DOCK2: variants seen among roughly 807,000 people sequenced by gnomAD.
DOCK2 encodes dedicator of cytokinesis protein 2.
DOCK2 carries 87 observed loss-of-function variants against 248.9 expected under a neutral mutation model. That is an observed-to-expected ratio of 0.35 (90% CI 0.29 to 0.42). DOCK2 has a LOEUF of 0.42. Ranked by LOEUF, DOCK2 falls within the 10% of genes least tolerant of loss-of-function variation. The pLI, the probability that DOCK2 is intolerant of heterozygous loss-of-function variation, is 1.00. For synonymous variants in DOCK2, 805 were observed against 821.6 expected (o/e 0.98, Z 0.35); for missense variants, 1,747 against 2,300.2 (o/e 0.76, Z 4.92).
rs573924539 is a variant in DOCK2, at chr5:169,700,916, C to T, written c.1258+777C>T. On this transcript the variant is annotated intron_variant, in intron 13 of 51. Coordinates refer to ENST00000520908, the MANE Select transcript of DOCK2 (RefSeq NM_004946.3). The stretch of plus-strand genomic sequence containing the variant: ...AGAGAGAGAGAAAGAAAGGAAGGAA[C>T]GAAAGAAAAGACAAGAAAAAGAAGG... Among the ~76,000 whole-genome samples the T allele has an allele frequency of 6.6e-3, 882 of 132,642 alleles. 15 individuals are homozygous for T. The highest frequency in any genetic ancestry group is 0.024 in the African/African-American group (837 of 34,564). The allele number at this position is 132,642 out of a possible 152,430, so 87.0% of individuals were successfully genotyped here. A position where few individuals can be genotyped will look rare whatever the true frequency, so the allele number is the denominator to read the frequency against.
intron 27 of DOCK2, among the ~76,000 whole-genome samples, chr5:169,972,682 A>G (rs998897537): frequency 1.3e-5 from 2 of 151,748 alleles, no homozygotes; most frequent in African/African-American, 4.8e-5. Context: ...TGTGTGGACC[A>G]TCATCATACC....
chr5:169,752,449 A>T (rs79278992), intron 23 of DOCK2, among the ~76,000 whole-genome samples: 1 of 152,150 alleles, frequency 6.6e-6, no homozygotes. Context: ...GAATGAATGA[A>T]TGAATATGGC....
chr5:169,689,102 T>C, intron 8 of DOCK2, 150 bp from the exon 9 acceptor site: 1 of 654,078 alleles, frequency 1.5e-6, no homozygotes, highest in Non-Finnish European at 2.7e-6. Context: ...CTGTGATCTC[T>C]CGGAGGGAAG....
intron 33 of DOCK2, among the ~76,000 whole-genome samples, chr5:170,021,038 G>A (rs1280696879): frequency 1.3e-5 from 2 of 152,208 alleles, no homozygotes; most frequent in African/African-American, 4.8e-5. Flanking sequence ...TGTTCTGAGA[G>A]GAATAAGAGA....
intron 9 of DOCK2, among the ~76,000 whole-genome samples, chr5:169,694,883 G>T (rs1581047936): frequency 6.6e-6 from 1 of 152,120 alleles, no homozygotes. Context: ...GCTGAGGTGG[G>T]AGGATTATTT....
chr5:169,977,707 C>G (rs1056976589), intron 27 of DOCK2, among the ~76,000 whole-genome samples: 2 of 152,182 alleles, frequency 1.3e-5, no homozygotes, highest in African/African-American at 4.8e-5. Flanking sequence ...GCTCATTGCT[C>G]CATGCCTCGC....
intron 46 of DOCK2, among the ~76,000 whole-genome samples, chr5:170,075,223 C>G (rs1403207589): frequency 1.3e-5 from 2 of 152,202 alleles, no homozygotes; most frequent in East Asian, 1.9e-4. Flanking sequence ...TCTCAGTTCT[C>G]TTTCTGACAG....
intron 22 of DOCK2, among the ~76,000 whole-genome samples, chr5:169,730,658 T>C (rs905492300): frequency 6.6e-6 from 1 of 152,152 alleles, no homozygotes; most frequent in East Asian, 1.9e-4. Flanking sequence ...GTCCATTCTT[T>C]AATCATGCTA....
In DOCK2 at chr5:169,654,480, T is replaced by A. The variant is rs756827620; in HGVS notation, c.121T>A (p.Cys41Ser). Residue 41 changes from cysteine (C) to serine (S), a missense_variant, in exon 2 of 52, where the codon TGT (cysteine) becomes AGT (serine). Cys to Ser is a moderately radical substitution (Grantham distance 112, BLOSUM62 -1). Around this residue, in one of 4 missense-constraint regions of DOCK2, gnomAD observed 375 missense variants for 510.9 expected, o/e 0.73. Transcript: ENST00000520908. ...IGDVVRIQET[C>S]GDWYRGYLIK... ...CGATGTGGTGCGAATACAGGAGACG[T>A]GTGGAGGTGAGTCACTGGCCCACGC... 1 of 1,614,136 alleles carries A rather than the reference T, an allele frequency of 6.2e-7. No homozygotes were observed. The highest frequency in any genetic ancestry group is 1.3e-5 in the African/African-American group (1 of 75,040).
At chr5:169,891,944 C>T (rs1482278758) in intron 27 of DOCK2, among the ~76,000 whole-genome samples, 2 of 146,494 alleles carry the variant, frequency 1.4e-5, no homozygotes, top group African/African-American at 5.1e-5. Flanking sequence ...TGCAGTGAGC[C>T]GAGATTGTGC....
chr5:169,865,288 A>G (rs1771475951), intron 27 of DOCK2, among the ~76,000 whole-genome samples: 1 of 152,172 alleles, frequency 6.6e-6, no homozygotes, highest in Admixed American at 6.5e-5. Context: ...GTAAAAGTGA[A>G]CCTGTCGCAG....
chr5:169,766,837 A>G (rs1176622306), intron 25 of DOCK2, among the ~76,000 whole-genome samples: 1 of 152,110 alleles, frequency 6.6e-6, no homozygotes, highest in East Asian at 1.9e-4. Context: ...GTGCGGTCTC[A>G]GCTCACTGAA....
chr5:170,015,107 T>C (rs958857300), intron 32 of DOCK2, among the ~76,000 whole-genome samples: 1 of 152,156 alleles, frequency 6.6e-6, no homozygotes, highest in African/African-American at 2.4e-5. Flanking sequence ...AGGCCTTGTC[T>C]TTTCATATTG....
At chr5:169,964,482 G>A (rs1243847195) in intron 27 of DOCK2, among the ~76,000 whole-genome samples, 3 of 152,248 alleles carry the variant, frequency 2.0e-5, no homozygotes, top group African/African-American at 7.2e-5. Flanking sequence ...TGTCAGACAG[G>A]TGGCTCATGG....
At chr5:169,765,637 T>C (rs1764737607) in intron 25 of DOCK2, among the ~76,000 whole-genome samples, 1 of 152,196 alleles carries the variant, frequency 6.6e-6, no homozygotes, top group African/African-American at 2.4e-5. Flanking sequence ...TGCTTTAGGA[T>C]CCACATTGCT....
chr5:169,977,887 C>T (rs1777772202), intron 27 of DOCK2, among the ~76,000 whole-genome samples: 1 of 152,184 alleles, frequency 6.6e-6, no homozygotes, highest in Non-Finnish European at 1.5e-5. Flanking sequence ...AGACCCACCA[C>T]ACAGACAGCA....
chr5:169,684,435 G>A (rs1259526973), intron 8 of DOCK2, 85 bp downstream of exon 8: 1 of 1,511,820 alleles, frequency 6.6e-7, no homozygotes, highest in Non-Finnish European at 9.0e-7. Flanking sequence ...CACTTGTGGA[G>A]CAATCTCCAC....
At chr5:169,925,354 G>A (rs1581425627) in intron 27 of DOCK2, among the ~76,000 whole-genome samples, 2 of 152,190 alleles carry the variant, frequency 1.3e-5, no homozygotes, top group South Asian at 4.1e-4. Flanking sequence ...GGCTGAGGTG[G>A]GCAGATCACA....
At chr5:169,681,598 A>G (rs966190128) in intron 6 of DOCK2, 146 bp from the exon 7 acceptor site, 1 of 935,412 alleles carries the variant, frequency 1.1e-6, no homozygotes, top group Non-Finnish European at 1.6e-6. Flanking sequence ...TGTGCTCACT[A>G]GCAGTGTCCC....
Sources: allele counts gnomAD v4.1 joint callset (sites outside exome capture counted in the v4.1 genomes callset), GRCh38; gene constraint gnomAD v4.1.1; regional missense constraint gnomAD v4.1.1; transcripts MANE v1.5; gene names NCBI Gene and HGNC (gene_info 2026-07-23, HGNC 2026-07-21).